Variants in RPL26 observed in about 807,000 individuals in gnomAD.
RPL26 encodes ribosomal protein L26.
Under a neutral mutation model 16.2 loss-of-function variants are expected in RPL26, and 1 was observed. That is an observed-to-expected ratio of 0.06 (90% CI 0.02 to 0.29). The LOEUF (loss-of-function observed/expected upper bound fraction) is 0.29. RPL26 is among the 10% of genes least tolerant of loss of function. The probability of loss-of-function intolerance (pLI) is 1.00; values close to 1 mark genes in which losing one functional copy is unlikely to be tolerated. For missense variants in RPL26, 102 were observed against 184.3 expected, an observed-to-expected ratio of 0.55 and a Z score of 2.58; for synonymous variants, 55 against 62.4, an observed-to-expected ratio of 0.88 and a Z score of 0.56.
At chr17:8,379,731 TAAAC>T (rs1429497532) in intron 3 of RPL26, 61 bp downstream of exon 3, 12 of 1,495,184 alleles carry the variant, frequency 8.0e-6, no homozygotes, top group Non-Finnish European at 1.0e-5. Context: ...CCTTGCTCTG[TAAAC>T]AATCATGTCA....
rs1225298319 is a variant in RPL26 at position 8,382,127 on chromosome 17, A to T, written c.168+16T>A. The T allele has an allele frequency of 1.2e-6, 2 of 1,607,428 alleles. No individual in the cohort carries two copies. The highest frequency in any genetic ancestry group is 1.7e-6 in the Non-Finnish European group (2 of 1,175,266). ...AAATATCCATCAAGACAACGAGAAC[A>T]AGTAGGGATACACACCTGAACTTCA... On this transcript the variant is annotated intron_variant, in intron 2 of 3. Coordinates refer to ENST00000648839, the MANE Select transcript of RPL26 (RefSeq NM_000987.5).
Position 8,382,687 on chromosome 17 carries a change from C to T in RPL26, c.-5-372G>A, listed in dbSNP as rs575808572. On this transcript the variant is annotated intron_variant, in intron 1 of 3. Transcript: ENST00000648839. ...CGCAATTCTCTTAACTATAACCTCA[C>T]GTTTTAGAAGGTACAATCAACGTTC... is the stretch of plus-strand genomic sequence containing the variant. The T allele has an allele frequency of 7.0e-5, 20 of 284,620 alleles. No individual in the cohort carries two copies. The South Asian group carries it at 1.7e-3, about 24-fold the overall frequency. 17.6% of individuals were successfully genotyped at this position (284,620 alleles called of 1,614,324 possible). A position where few individuals can be genotyped will look rare whatever the true frequency, so the allele number is the denominator to read the frequency against.
intron 1 of RPL26, chr17:8,382,774 C>T (rs577091345): frequency 5.6e-6 from 2 of 354,230 alleles, no homozygotes; most frequent in Non-Finnish European, 1.0e-5. Flanking sequence ...GGCCCACCAA[C>T]CCGAACCTGG....
intron 3 of RPL26, among the ~76,000 whole-genome samples, chr17:8,378,845 C>T (rs1156340313): frequency 2.2e-4 from 33 of 152,060 alleles, no homozygotes; most frequent in Admixed American, 1.8e-3. Flanking sequence ...GTGAGGAGGC[C>T]GAGGGGCTTT....
In RPL26 at chr17:8,377,614, T is replaced by C. The variant is rs150329538; in HGVS notation, c.388A>G (p.Lys130Glu). Residue 130 changes from lysine (K) to glutamate (E), a missense_variant, in exon 4 of 4, where the codon AAG (lysine) becomes GAG (glutamate). Coordinates refer to ENST00000648839, the MANE Select transcript of RPL26 (RefSeq NM_000987.5). Reference protein sequence around the residue: ...ERKAKSRQVGKEKGKYKEETI... With the variant: ...ERKAKSRQVGEEKGKYKEETI... ...TCTTCCTTGTATTTGCCCTTTTCCT[T>C]TCCTACTTGGCGAGATTTGGCTTTC... is the stretch of plus-strand genomic sequence containing the variant. 3.1e-6 allele frequency: 5 copies of C among 1,607,670 alleles called. No individual in the cohort carries two copies. Among genetic ancestry groups the C allele is most frequent in the African/African-American group, 2.7e-5 (2 of 75,054 alleles).
chr17:8,382,385 T>C lies in RPL26; in HGVS notation c.-5-70A>G, dbSNP rs961626889. The C allele has an allele frequency of 6.3e-6, 7 of 1,108,498 alleles. No homozygotes were observed. In the African/African-American group the frequency reaches 9.3e-5, roughly 15 times the overall value. The allele number at this position is 1,108,498 out of a possible 1,614,324, so 68.7% of individuals were successfully genotyped here. A position where few individuals can be genotyped will look rare whatever the true frequency, so the allele number is the denominator to read the frequency against. Reference sequence around the variant, plus strand: ...CCAGCTTCCAAACAAATAACCGCAATGATTTTATCTTGATAGTCTAGAATG... The same window carrying C: ...CCAGCTTCCAAACAAATAACCGCAACGATTTTATCTTGATAGTCTAGAATG... On this transcript the variant is annotated intron_variant, in intron 1 of 3. Coordinates refer to ENST00000648839, the MANE Select transcript of RPL26 (RefSeq NM_000987.5).
intron 2 of RPL26, chr17:8,380,783 C>CAAG (rs1567705409): frequency 6.6e-6 from 1 of 152,222 alleles, no homozygotes; most frequent in Non-Finnish European, 1.5e-5. Context: ...TTCTAACCTC[C>CAAG]AAGATGTCCT....
intron 3 of RPL26, chr17:8,379,209 AG>A (rs1267263147): frequency 6.8e-6 from 1 of 146,540 alleles, no homozygotes. Flanking sequence ...TTTTTTTTTG[AG>A]ATGGCGTTTT....
rs750487561 is a variant in RPL26, at chr17:8,382,204, T to C, written c.107A>G (p.Lys36Arg). ...CACGTTGTACTTCTGTCTCAGCTCT[T>C]TGGAAAGAGGGGAAGACATAATCTT... ...RRKIMSSPLS[K>R]ELRQKYNVRS... The change falls in exon 2 of 4, where the codon AAA becomes AGA. Residue 36 changes from lysine (K) to arginine (R), a missense_variant. Physicochemically the swap from Lys to Arg is conservative, Grantham distance 26 (BLOSUM62 2). Coordinates refer to ENST00000648839, the MANE Select transcript of RPL26 (RefSeq NM_000987.5). 4 of 1,613,946 alleles carry C rather than the reference T, an allele frequency of 2.5e-6. No homozygotes were observed. The highest frequency in any genetic ancestry group is 1.7e-5 in the Admixed American group (1 of 60,014).
chr17:8,382,443 C>G, intron 1 of RPL26, 128 bp from the exon 2 acceptor site: 1 of 672,512 alleles, frequency 1.5e-6, no homozygotes, highest in Admixed American at 3.3e-5. Context: ...GCAACTTCAA[C>G]AAAAACTGTT....
At chr17:8,381,003 C>T (rs1207973608) in intron 2 of RPL26, 5 of 149,700 alleles carry the variant, frequency 3.3e-5, no homozygotes, top group African/African-American at 7.4e-5. Context: ...CTAGGGATAA[C>T]ACACTGTAAA....
Position 8,377,596 on chromosome 17 carries a change from T to C in RPL26, c.406A>G (p.Lys136Glu), listed in dbSNP as rs776719793. The part of the protein sequence containing the change: ...RQVGKEKGKY[K>E]EETIEKMQE ...TGCATCTTCTCAATGGTTTCTTCCT[T>C]GTATTTGCCCTTTTCCTTTCCTACT... is the stretch of plus-strand genomic sequence containing the variant. The change falls in exon 4 of 4, where the codon AAG becomes GAG. Residue 136 changes from lysine to glutamate, a missense_variant. Transcript: ENST00000648839. The C allele has an allele frequency of 1.2e-6, 2 of 1,602,430 alleles. No homozygotes were observed. Among genetic ancestry groups the C allele is most frequent in the African/African-American group, 1.3e-5 (1 of 74,814 alleles).
At chr17:8,383,102 C>T (rs1237510748) in intron 1 of RPL26, 55 bp downstream of exon 1, 1 of 398,684 alleles carries the variant, frequency 2.5e-6, no homozygotes, top group East Asian at 3.6e-5. Flanking sequence ...CGGAAGCCAC[C>T]ATGCCCAAGA....
intron 3 of RPL26, chr17:8,379,429 G>A (rs1321294279): frequency 1.5e-5 from 4 of 271,960 alleles, no homozygotes; most frequent in South Asian, 9.4e-5. Context: ...AAAATTAGCC[G>A]GGTGTAGTGG....
At chr17:8,379,519 A>G in intron 3 of RPL26, 1 of 531,044 alleles carries the variant, frequency 1.9e-6, no homozygotes, top group East Asian at 3.1e-5. Flanking sequence ...GGCTGCAGTG[A>G]GCCGAGATTG....
chr17:8,378,836 T>C (rs559386849), intron 3 of RPL26, among the ~76,000 whole-genome samples: 64 of 152,268 alleles, frequency 4.2e-4, no homozygotes, highest in Middle Eastern at 3.4e-3. Flanking sequence ...AAGGCAAGTG[T>C]GAGGAGGCCG....
At chr17:8,382,531 C>G in intron 1 of RPL26, 2 of 494,272 alleles carry the variant, frequency 4.0e-6, no homozygotes, top group East Asian at 3.8e-5. Flanking sequence ...TATATGTTTA[C>G]GGACTAAAGA....
At chr17:8,379,137 A>G (rs1367369006) in intron 3 of RPL26, 1 of 152,194 alleles carries the variant, frequency 6.6e-6, no homozygotes, top group Non-Finnish European at 1.5e-5. Flanking sequence ...TAGAACATAT[A>G]GAATGGAAAA....
At chr17:8,381,014 G>A (rs1340635792) in intron 2 of RPL26, 4 of 131,828 alleles carry the variant, frequency 3.0e-5, no homozygotes, top group African/African-American at 6.0e-5. Context: ...ACACTGTAAA[G>A]CCTAAGATTT....
Sources: allele counts gnomAD v4.1 joint callset (sites outside exome capture counted in the v4.1 genomes callset), GRCh38; gene constraint gnomAD v4.1.1; transcripts MANE v1.5; gene names NCBI Gene and HGNC (gene_info 2026-07-23, HGNC 2026-07-21).